The following TNS3 variants were observed in gnomAD, a reference collection of about 807,000 sequenced individuals.
TNS3 encodes the protein tensin 3, also known as tensin-3.
Under a neutral mutation model 140.9 loss-of-function variants are expected in TNS3, and 45 were observed. The ratio of observed to expected loss-of-function variants is 0.32; its 90% confidence interval spans 0.25 to 0.41. TNS3 has a LOEUF of 0.41. Ranked by LOEUF, TNS3 falls within the 10% of genes least tolerant of loss-of-function variation. TNS3 has a pLI of 1.00. For synonymous variants in TNS3, 815 were observed against 788.4 expected, an observed-to-expected ratio of 1.03 and a Z score of -0.56; for missense variants, 1,716 against 1,906.7, an observed-to-expected ratio of 0.90 and a Z score of 1.86.
chr7:47,515,253 T>C (rs1221860037), intron 2 of TNS3, among the ~76,000 whole-genome samples: 1 of 152,220 alleles, frequency 6.6e-6, no homozygotes, highest in South Asian at 2.1e-4. Context: ...AGTCCAAGAA[T>C]GAGCCAGAAA....
chr7:47,442,244 A>G (rs1795502191), intron 4 of TNS3, among the ~76,000 whole-genome samples, 189 bp from the exon 5 acceptor site: 1 of 152,224 alleles, frequency 6.6e-6, no homozygotes, highest in Non-Finnish European at 1.5e-5. Flanking sequence ...TCAGCTCACC[A>G]GAGGACGCAG....
At chr7:47,305,849 A>G (rs914951817) in intron 20 of TNS3, among the ~76,000 whole-genome samples, 2 of 152,276 alleles carry the variant, frequency 1.3e-5, no homozygotes, top group African/African-American at 2.4e-5. Flanking sequence ...TAATATTATT[A>G]GAAATACTGG....
At chr7:47,425,282 A>C (rs1413999093) in intron 9 of TNS3, among the ~76,000 whole-genome samples, 1 of 152,070 alleles carries the variant, frequency 6.6e-6, no homozygotes, top group East Asian at 1.9e-4. Flanking sequence ...GCACCATTGC[A>C]CTCCAGCCTG....
At chr7:47,541,403 CT>C (rs1799782602) in intron 1 of TNS3, among the ~76,000 whole-genome samples, 1 of 152,120 alleles carries the variant, frequency 6.6e-6, no homozygotes, top group African/African-American at 2.4e-5. Context: ...CAGATCTGTC[CT>C]TGGAGGGTGC....
intron 14 of TNS3, 43 bp downstream of exon 14, chr7:47,400,742 C>T (rs373385901): frequency 1.2e-5 from 20 of 1,604,692 alleles, no homozygotes; most frequent in East Asian, 2.2e-5. Flanking sequence ...GAGGTTCAAC[C>T]GCAGCTGCCC....
chr7:47,278,019 A>G lies in TNS3; in HGVS notation c.*57T>C, dbSNP rs1356250683. On this transcript the variant is annotated 3_prime_UTR_variant, in exon 31 of 31. Coordinates refer to ENST00000311160, the MANE Select transcript of TNS3 (RefSeq NM_022748.12). ...AAAGTGGGGGCCCCACCCTCACCCA[A>G]CGGCTGTCTCCAGGGCTTCGAGAGG... is the stretch of plus-strand genomic sequence containing the variant. 20 of 1,612,398 alleles carry G rather than the reference A, an allele frequency of 1.2e-5. No individual in the cohort carries two copies. The highest frequency in any genetic ancestry group is 1.6e-5 in the Non-Finnish European group (19 of 1,178,976).
At chr7:47,367,623 T>G (rs1790783065) in intron 17 of TNS3, among the ~76,000 whole-genome samples, 1 of 152,152 alleles carries the variant, frequency 6.6e-6, no homozygotes, top group Non-Finnish European at 1.5e-5. Flanking sequence ...CGGCCTGGTT[T>G]TGGGGCATCC....
chr7:47,278,512 TC>T, intron 30 of TNS3: 1 of 340,784 alleles, frequency 2.9e-6, no homozygotes, highest in Non-Finnish European at 5.3e-6. Flanking sequence ...AGGCTCAACT[TC>T]CTCTATAGAT....
intron 3 of TNS3, among the ~76,000 whole-genome samples, chr7:47,497,161 G>A (rs185285587): frequency 9.2e-5 from 14 of 152,258 alleles, no homozygotes; most frequent in Middle Eastern, 6.8e-3. Context: ...ATACTTTCTT[G>A]TCATTTAACA....
In TNS3 at chr7:47,303,536, C is replaced by CATG. The variant is rs1310221463; in HGVS notation, c.2868_2870dup (p.Pro956_Met957insIle). The CATG allele has an allele frequency of 5.6e-6, 9 of 1,604,924 alleles. No homozygotes were observed. Among genetic ancestry groups the CATG allele is most frequent in the African/African-American group, 1.3e-5 (1 of 74,868 alleles). ...GCCGGCCGCTCCCCAGCAGGGAAAC[C>CATG]ATGGGCTTGGGGCTGCTCTCCACCC... On this transcript the variant is annotated inframe_insertion, in exon 22 of 31. Transcript: ENST00000311160.
chr7:47,365,937 TCAAGAGACTACTATATGTTAACCTAAGC>T (rs1790674376), intron 17 of TNS3, among the ~76,000 whole-genome samples: 1 of 152,128 alleles, frequency 6.6e-6, no homozygotes, highest in Non-Finnish European at 1.5e-5. Flanking sequence ...CATATTAACC[TCAAGAGACTACTATATGTTAACCTAAGC>T]CAAGAGACTA....
At chr7:47,440,366 C>G (rs1190398262) in intron 5 of TNS3, among the ~76,000 whole-genome samples, 2 of 152,136 alleles carry the variant, frequency 1.3e-5, no homozygotes, top group Non-Finnish European at 2.9e-5. Flanking sequence ...TGGGGCCCCG[C>G]TGGGACCCCA....
intron 1 of TNS3, among the ~76,000 whole-genome samples, chr7:47,567,597 T>C (rs1457173853): frequency 1.4e-5 from 2 of 147,528 alleles, no homozygotes; most frequent in African/African-American, 5.1e-5. Context: ...GGCAGACGAA[T>C]GGAGTGAAGC....
At chr7:47,466,096 A>G (rs932392986) in intron 4 of TNS3, among the ~76,000 whole-genome samples, 23 of 152,140 alleles carry the variant, frequency 1.5e-4, no homozygotes, top group African/African-American at 5.5e-4. Context: ...TTATTTTTAC[A>G]GTCTAAGTTA....
At chr7:47,490,818 G>A (rs1797782873) in intron 3 of TNS3, among the ~76,000 whole-genome samples, 1 of 152,226 alleles carries the variant, frequency 6.6e-6, no homozygotes. Context: ...GTTGGTTTCA[G>A]CCACTGAGTG....
At chr7:47,360,927 G>C (rs1790279048) in intron 17 of TNS3, among the ~76,000 whole-genome samples, 1 of 152,012 alleles carries the variant, frequency 6.6e-6, no homozygotes, top group African/African-American at 2.4e-5. Flanking sequence ...CCCTAGCACG[G>C]ATCTGAAACC....
chr7:47,470,646 C>G, intron 4 of TNS3: 3 of 985,454 alleles, frequency 3.0e-6, no homozygotes, highest in Non-Finnish European at 3.6e-6. Context: ...CCCTGAACCA[C>G]AGACGCAGGT....
At position 47,449,701 on chromosome 7, in the gene TNS3, G is replaced by A. The variant is rs557922468; in HGVS notation, c.-75-7646C>T. ...TGGCTCACTGCAACCTCCATCTGCC[G>A]GGTTCAAGTGATTCTCCTGCCTCAG... On this transcript the variant is annotated intron_variant, in intron 4 of 30. Transcript: ENST00000311160. 3.3e-5 allele frequency among the ~76,000 whole-genome samples: 5 copies of A among 152,254 alleles called. No homozygotes were observed. The East Asian group carries it at 7.7e-4, about 24-fold the overall frequency.
intron 1 of TNS3, among the ~76,000 whole-genome samples, chr7:47,541,948 C>CAAAAAAAAA (rs11314197): frequency 2.3e-5 from 3 of 131,030 alleles, no homozygotes; most frequent in African/African-American, 8.6e-5. Context: ...GACTCCATCT[C>CAAAAAAAAA]AAAAAAAAAA....
Sources: allele counts gnomAD v4.1 joint callset (sites outside exome capture counted in the v4.1 genomes callset), GRCh38; gene constraint gnomAD v4.1.1; transcripts MANE v1.5; gene names NCBI Gene and HGNC (gene_info 2026-07-23, HGNC 2026-07-21).